TMEM132B: variants seen among roughly 807,000 people sequenced by gnomAD.
TMEM132B encodes the protein transmembrane protein 132B.
A neutral mutation model predicts 90.8 loss-of-function variants in TMEM132B; 18 were observed. That is an observed-to-expected ratio of 0.20 (90% CI 0.14 to 0.29). TMEM132B has a LOEUF of 0.29. Ranked by LOEUF, TMEM132B falls within the 10% of genes least tolerant of loss-of-function variation. The pLI is 1.00. For synonymous variants in TMEM132B, 504 were observed against 523.3 expected, an observed-to-expected ratio of 0.96 and a Z score of 0.50; for missense variants, 1,096 against 1,326.8, an observed-to-expected ratio of 0.83 and a Z score of 2.70.
intron 1 of TMEM132B, among the ~76,000 whole-genome samples, chr12:125,258,119 G>C (rs1395215400): frequency 6.6e-6 from 1 of 152,172 alleles, no homozygotes; most frequent in Non-Finnish European, 1.5e-5. Context: ...TTGTGTGTAG[G>C]CACTGTTTAA....
chr12:125,236,168 C>T (rs186825522), intron 1 of TMEM132B, among the ~76,000 whole-genome samples: 39 of 150,756 alleles, frequency 2.6e-4, no homozygotes, highest in African/African-American at 7.1e-4. Flanking sequence ...TTTTTTGAGA[C>T]GGAATCTCTC....
chr12:125,339,534 C>A (rs1877102205), intron 1 of TMEM132B, among the ~76,000 whole-genome samples: 1 of 152,228 alleles, frequency 6.6e-6, no homozygotes, highest in Non-Finnish European at 1.5e-5. Flanking sequence ...GGCAGACCTC[C>A]TTCCAATGCC....
At chr12:125,438,823 G>T (rs1176819897) in intron 3 of TMEM132B, among the ~76,000 whole-genome samples, 1 of 152,184 alleles carries the variant, frequency 6.6e-6, no homozygotes, top group Non-Finnish European at 1.5e-5. Flanking sequence ...TGTGCTAAAA[G>T]AATCATTCTG....
chr12:125,503,448 G>C (rs1024244280), intron 3 of TMEM132B, among the ~76,000 whole-genome samples: 3 of 152,182 alleles, frequency 2.0e-5, no homozygotes, highest in Non-Finnish European at 4.4e-5. Flanking sequence ...CAGAGGGCCT[G>C]ACATGGTGCT....
chr12:125,394,567 A>G (rs1009147297), intron 2 of TMEM132B, among the ~76,000 whole-genome samples: 6 of 152,130 alleles, frequency 3.9e-5, no homozygotes, highest in African/African-American at 1.4e-4. Context: ...CTCAAGGGGG[A>G]CAAGAGAAGT....
intron 3 of TMEM132B, among the ~76,000 whole-genome samples, chr12:125,451,787 T>C (rs1018122601): frequency 2.0e-4 from 31 of 152,242 alleles, no homozygotes; most frequent in Non-Finnish European, 1.6e-4. Context: ...CAGAGAGAAT[T>C]TATGAATAGC....
intron 4 of TMEM132B, among the ~76,000 whole-genome samples, chr12:125,526,966 T>C (rs1162780986): frequency 3.8e-5 from 4 of 105,506 alleles, no homozygotes; most frequent in Admixed American, 1.0e-4. Context: ...ATCCACCCAT[T>C]TACCCTTCCA....
intron 3 of TMEM132B, among the ~76,000 whole-genome samples, chr12:125,442,779 A>G (rs1005905142): frequency 2.6e-5 from 4 of 152,156 alleles, no homozygotes; most frequent in Non-Finnish European, 5.9e-5. Context: ...CTGTCCTGGA[A>G]GTGGAGTTGA....
At position 125,415,107 on chromosome 12, in the gene TMEM132B, C is replaced by T. The variant is rs1365334096; in HGVS notation, c.960-424C>T. Among the ~76,000 whole-genome samples the T allele has an allele frequency of 2.0e-5, 3 of 152,166 alleles. No homozygotes were observed. The highest frequency in any genetic ancestry group is 1.3e-4 in the Admixed American group (2 of 15,284). On this transcript the variant is annotated intron_variant, in intron 2 of 8. Coordinates refer to ENST00000682704, the MANE Select transcript of TMEM132B (RefSeq NM_001366854.1). The surrounding 1 kb of genome is among the most constrained non-coding windows in gnomAD (Gnocchi z 5.3). Reference sequence around the variant, plus strand: ...CAGTGCAATGGCCTCCTCTTCCATCCCCTGGGCTGTGTGATCTTCTGGCCT... The same window carrying T: ...CAGTGCAATGGCCTCCTCTTCCATCTCCTGGGCTGTGTGATCTTCTGGCCT...
chr12:125,565,332 C>T (rs775093560), intron 4 of TMEM132B, among the ~76,000 whole-genome samples: 11 of 152,200 alleles, frequency 7.2e-5, no homozygotes, highest in Admixed American at 5.9e-4. Flanking sequence ...TGCAGATGGG[C>T]AGGTGCAGGA....
At chr12:125,409,571 TGAGTGGAGTG>T (rs139454581) in intron 2 of TMEM132B, among the ~76,000 whole-genome samples, 7 of 119,660 alleles carry the variant, frequency 5.8e-5, no homozygotes, top group South Asian at 5.5e-4. Context: ...TGGAGTGGAG[TGAGTGGAGTG>T]GAGTGGAGTG....
At chr12:125,229,561 CTATCTGTCATCTATCATT>C (rs1873768470) in intron 1 of TMEM132B, among the ~76,000 whole-genome samples, 1 of 152,234 alleles carries the variant, frequency 6.6e-6, no homozygotes, top group Non-Finnish European at 1.5e-5. Context: ...ATGTATCTAT[CTATCTGTCATCTATCATT>C]TATCTGTCAT....
intron 1 of TMEM132B, among the ~76,000 whole-genome samples, chr12:125,326,161 C>CAAATCA (rs1487251707): frequency 1.3e-5 from 2 of 152,186 alleles, no homozygotes; most frequent in African/African-American, 4.8e-5. Context: ...GTCACATGCC[C>CAAATCA]AGTTATGACC....
At chr12:125,629,660 G>T (rs1886312151) in intron 5 of TMEM132B, among the ~76,000 whole-genome samples, 1 of 151,980 alleles carries the variant, frequency 6.6e-6, no homozygotes, top group African/African-American at 2.4e-5. Context: ...CTTTAGCTGG[G>T]ACATCCAGTA....
At chr12:125,620,108 C>G (rs541916375) in intron 5 of TMEM132B, among the ~76,000 whole-genome samples, 1 of 152,222 alleles carries the variant, frequency 6.6e-6, no homozygotes, top group Non-Finnish European at 1.5e-5. Flanking sequence ...CAGAGCCTTT[C>G]AATTGTGCCT....
chr12:125,564,497 T>C (rs1884615938), intron 4 of TMEM132B, among the ~76,000 whole-genome samples: 1 of 152,220 alleles, frequency 6.6e-6, no homozygotes, highest in African/African-American at 2.4e-5. Flanking sequence ...CTCAGAAGGA[T>C]GTGCAGGCTT....
intron 3 of TMEM132B, among the ~76,000 whole-genome samples, chr12:125,450,718 C>A (rs1373880662): frequency 6.6e-6 from 1 of 152,120 alleles, no homozygotes; most frequent in African/African-American, 2.4e-5. Context: ...TGTCTCCTAA[C>A]AGATCGCTTA....
intron 5 of TMEM132B, chr12:125,622,739 A>C (rs1886141021): frequency 1.9e-5 from 16 of 851,048 alleles, no homozygotes; most frequent in Non-Finnish European, 2.3e-5. Context: ...CTCATTCTGG[A>C]GCAAGTGGTG....
chr12:125,378,881 C>G (rs1878574984), intron 2 of TMEM132B, among the ~76,000 whole-genome samples: 1 of 152,166 alleles, frequency 6.6e-6, no homozygotes, highest in South Asian at 2.1e-4. Context: ...GCCTCATTTG[C>G]TCATATGGGG....
Sources: allele counts gnomAD v4.1 joint callset (sites outside exome capture counted in the v4.1 genomes callset), GRCh38; gene constraint gnomAD v4.1.1; non-coding constraint Gnocchi (gnomAD v3.1); transcripts MANE v1.5; gene names NCBI Gene and HGNC (gene_info 2026-07-23, HGNC 2026-07-21).